Variants in GPC6 observed in about 807,000 individuals in gnomAD.
The protein encoded by GPC6 is glypican 6, also known as glypican-6.
In GPC6, 14 loss-of-function variants were observed where a neutral mutation model predicts 55.2. The observed-to-expected ratio is 0.25, with a 90% CI of 0.17 to 0.40. The LOEUF is 0.40. GPC6 is among the 10% of genes least tolerant of loss of function. The pLI is 1.00. For synonymous variants in GPC6, 278 were observed against 259.6 expected, an observed-to-expected ratio of 1.07 and a Z score of -0.68; for missense variants, 641 against 708.5, an observed-to-expected ratio of 0.90 and a Z score of 1.08.
intron 2 of GPC6, among the ~76,000 whole-genome samples, chr13:93,809,268 C>T (rs1203836860): frequency 1.3e-5 from 2 of 152,132 alleles, no homozygotes; most frequent in East Asian, 1.9e-4. Flanking sequence ...AGTGACCATA[C>T]GCATTTCCAT....
rs529067466 is a variant in GPC6, at chr13:94,239,178, A to AG, written c.878-47166dup. Among the ~76,000 whole-genome samples the AG allele has an allele frequency of 5.3e-5, 8 of 152,182 alleles. No homozygotes were observed. In the South Asian group the frequency reaches 6.2e-4, roughly 12 times the overall value. The stretch of plus-strand genomic sequence containing the variant: ...TCTTCCTCTACCTGTTTCCTCATTT[A>AG]GGGGGCCCTTCTCGGTTTAATTGTC... On this transcript the variant is annotated intron_variant, in intron 4 of 8. Coordinates refer to ENST00000377047, the MANE Select transcript of GPC6 (RefSeq NM_005708.5).
At chr13:94,286,513 G>A (rs1892534994) in intron 5 of GPC6, 34 bp downstream of exon 5, 2 of 1,589,714 alleles carry the variant, frequency 1.3e-6, no homozygotes, top group African/African-American at 1.3e-5. Context: ...GCCAATACAT[G>A]TATGTTATAC....
At chr13:93,728,273 G>A (rs892648473) in intron 2 of GPC6, among the ~76,000 whole-genome samples, 1 of 151,942 alleles carries the variant, frequency 6.6e-6, no homozygotes, top group Admixed American at 6.6e-5. Flanking sequence ...CTGGAGTTCA[G>A]TGGCCCAATC....
In GPC6 at chr13:94,084,075, G is replaced by A. The variant is rs569307733; in HGVS notation, c.877+56181G>A. Among the ~76,000 whole-genome samples, 5 of 152,274 alleles carry A rather than the reference G, an allele frequency of 3.3e-5. No individual in the cohort carries two copies. In the East Asian group the frequency reaches 9.6e-4, roughly 29 times the overall value. On this transcript the variant is annotated intron_variant, in intron 4 of 8. Transcript: ENST00000377047. ...ACTGGCTATAGTCCTTCCATCTCCT[G>A]GGAAGCTAAGATTTATAAAGTGTGC...
chr13:93,228,593 C>A (rs1440056138), intron 1 of GPC6, among the ~76,000 whole-genome samples: 1 of 152,168 alleles, frequency 6.6e-6, no homozygotes. Context: ...CGAATCCGAG[C>A]TTCTCTGGGG....
At chr13:93,760,272 G>C (rs193216158) in intron 2 of GPC6, among the ~76,000 whole-genome samples, 170 of 148,150 alleles carry the variant, frequency 1.1e-3, no homozygotes, top group Non-Finnish European at 2.3e-3. Context: ...CCTTTCTCTT[G>C]ACCACCATGT....
At chr13:93,799,619 G>A (rs1367733946) in intron 2 of GPC6, among the ~76,000 whole-genome samples, 1 of 152,196 alleles carries the variant, frequency 6.6e-6, no homozygotes, top group Non-Finnish European at 1.5e-5. Flanking sequence ...CGGATCTGGG[G>A]TTAGACAACT....
intron 3 of GPC6, among the ~76,000 whole-genome samples, chr13:94,019,124 T>C (rs1269472527): frequency 6.6e-6 from 1 of 152,254 alleles, no homozygotes; most frequent in Non-Finnish European, 1.5e-5. Context: ...TGGAAGAGTT[T>C]AAGAAGGATT....
At chr13:93,244,328 C>T (rs971990373) in intron 1 of GPC6, among the ~76,000 whole-genome samples, 23 of 152,192 alleles carry the variant, frequency 1.5e-4, no homozygotes, top group Non-Finnish European at 2.9e-4. Context: ...AGACTTCCCC[C>T]GCAAGACAGA....
intron 1 of GPC6, among the ~76,000 whole-genome samples, chr13:93,322,173 C>G (rs1879466876): frequency 6.6e-6 from 1 of 152,078 alleles, no homozygotes; most frequent in South Asian, 2.1e-4. Flanking sequence ...CTTTTAAGTT[C>G]AAGGGTACAT....
Position 93,275,977 on chromosome 13 carries a change from C to T in GPC6, c.160+48361C>T, listed in dbSNP as rs1400032799. Among the ~76,000 whole-genome samples the T allele has an allele frequency of 7.2e-5, 11 of 152,274 alleles. No homozygotes were observed. The East Asian group carries it at 2.1e-3, about 30-fold the overall frequency. ...GCAAGCTCTGCCTCCCGGGTTCACG[C>T]CATTCTCCTGCCTCAGCCTCCCGAG... On this transcript the variant is annotated intron_variant, in intron 1 of 8. Coordinates refer to ENST00000377047, the MANE Select transcript of GPC6 (RefSeq NM_005708.5).
chr13:93,418,115 A>T (rs1478695041), intron 1 of GPC6, among the ~76,000 whole-genome samples: 1 of 151,866 alleles, frequency 6.6e-6, no homozygotes, highest in Non-Finnish European at 1.5e-5. Context: ...TTTTAATTTT[A>T]GTATTTAAAA....
At chr13:94,332,564 C>T (rs775668320) in intron 6 of GPC6, among the ~76,000 whole-genome samples, 5 of 152,344 alleles carry the variant, frequency 3.3e-5, no homozygotes, top group South Asian at 4.1e-4. Context: ...CTGGCTCAGC[C>T]GTTGGTCTCT....
At chr13:93,988,033 G>A (rs1373398594) in intron 3 of GPC6, among the ~76,000 whole-genome samples, 1 of 152,038 alleles carries the variant, frequency 6.6e-6, no homozygotes, top group Non-Finnish European at 1.5e-5. Context: ...TGGAGGATCT[G>A]CATCTACTCC....
Position 93,857,600 on chromosome 13 carries a change from A to C in GPC6, c.711+27055A>C, listed in dbSNP as rs560821698. Among the ~76,000 whole-genome samples, 7 of 151,738 alleles carry C rather than the reference A, an allele frequency of 4.6e-5. 1 individual carries two copies. The highest frequency in any genetic ancestry group is 1.3e-4 in the Admixed American group (2 of 15,182). ...ATACAAAGTAAGGTAGAAAAAAAGA[A>C]GCTTTAAATTGAAATCTATTTAAAA... On this transcript the variant is annotated intron_variant, in intron 3 of 8. Coordinates refer to ENST00000377047, the MANE Select transcript of GPC6 (RefSeq NM_005708.5).
At chr13:94,358,140 A>T (rs1287634719) in intron 6 of GPC6, among the ~76,000 whole-genome samples, 1 of 152,042 alleles carries the variant, frequency 6.6e-6, no homozygotes, top group Non-Finnish European at 1.5e-5. Flanking sequence ...AAATACAAAA[A>T]TTAGCCTGGT....
chr13:93,651,891 T>A (rs1594343128), intron 2 of GPC6, among the ~76,000 whole-genome samples: 1 of 152,200 alleles, frequency 6.6e-6, no homozygotes, highest in East Asian at 1.9e-4. Context: ...TAAATCAGAA[T>A]CCCTGGGCAT....
intron 2 of GPC6, among the ~76,000 whole-genome samples, chr13:93,739,699 G>T (rs1884134789): frequency 6.6e-6 from 1 of 152,120 alleles, no homozygotes; most frequent in Non-Finnish European, 1.5e-5. Flanking sequence ...AAAGTGCTGG[G>T]ATTACAGGTG....
chr13:93,809,403 C>A (rs1208393531), intron 2 of GPC6, among the ~76,000 whole-genome samples: 2 of 152,288 alleles, frequency 1.3e-5, no homozygotes, highest in Non-Finnish European at 1.5e-5. Flanking sequence ...TGTTTCAGAT[C>A]TTAGGATTTT....
Sources: gnomAD v4.1 joint callset for allele counts (sites outside exome capture counted in the v4.1 genomes callset) on GRCh38, gnomAD v4.1.1 for gene constraint, MANE v1.5 for transcripts, NCBI Gene and HGNC (gene_info 2026-07-23, HGNC 2026-07-21) for gene names.